The following THSD7B variants were observed in gnomAD, a reference collection of about 807,000 sequenced individuals.
THSD7B encodes thrombospondin type-1 domain-containing protein 7B.
A neutral mutation model predicts 213.6 loss-of-function variants in THSD7B; 138 were observed. That is an observed-to-expected ratio of 0.65 (90% CI 0.56 to 0.74). The LOEUF (loss-of-function observed/expected upper bound fraction) is 0.74. THSD7B is among the 30% of genes least tolerant of loss of function. The pLI, the probability that THSD7B is intolerant of heterozygous loss-of-function variation, is 0.00. For missense variants in THSD7B, 1,931 were observed against 1,991.5 expected (o/e 0.97, Z 0.58); for synonymous variants, 742 against 687.0 (o/e 1.08, Z -1.25).
chr2:137,390,769 TTCTG>T (rs952636157), intron 12 of THSD7B, among the ~76,000 whole-genome samples: 78 of 152,168 alleles, frequency 5.1e-4, no homozygotes, highest in African/African-American at 1.8e-3. Flanking sequence ...CAAATGTTAT[TTCTG>T]TCTATTGAGA....
chr2:137,032,125 GC>G (rs1261868372), intron 2 of THSD7B, among the ~76,000 whole-genome samples: 1 of 151,444 alleles, frequency 6.6e-6, no homozygotes, highest in Non-Finnish European at 1.5e-5. Flanking sequence ...ACAGGAGTGA[GC>G]CACCACACCC....
chr2:137,299,384 C>T (rs1683545464), intron 12 of THSD7B, among the ~76,000 whole-genome samples: 1 of 152,022 alleles, frequency 6.6e-6, no homozygotes, highest in South Asian at 2.1e-4. Context: ...AGACTTTGGA[C>T]TATGGACTTT....
intron 15 of THSD7B, among the ~76,000 whole-genome samples, chr2:137,518,967 G>C (rs1680127659): frequency 6.6e-6 from 1 of 152,208 alleles, no homozygotes; most frequent in Admixed American, 6.5e-5. Flanking sequence ...GGGGAAAGGG[G>C]CTGGGCACGG....
chr2:137,092,339 GGGAGGTTGA>G (rs1470338038), intron 3 of THSD7B, among the ~76,000 whole-genome samples: 3 of 152,106 alleles, frequency 2.0e-5, no homozygotes, highest in Admixed American at 2.0e-4. Flanking sequence ...CCTGGGCCTG[GGGAGGTTGA>G]GGCTGCAATG....
At chr2:137,447,888 T>C (rs1053689934) in intron 14 of THSD7B, among the ~76,000 whole-genome samples, 5 of 152,110 alleles carry the variant, frequency 3.3e-5, no homozygotes, top group African/African-American at 1.2e-4. Context: ...ATGTTCCTTA[T>C]ATAGGAAAAT....
intron 12 of THSD7B, among the ~76,000 whole-genome samples, chr2:137,368,118 G>A (rs1685462300): frequency 6.6e-6 from 1 of 152,066 alleles, no homozygotes; most frequent in African/African-American, 2.4e-5. Flanking sequence ...TCCTGTATCT[G>A]AAGATTATGC....
chr2:137,658,278 A>G (rs938326503), intron 24 of THSD7B, among the ~76,000 whole-genome samples: 1 of 152,188 alleles, frequency 6.6e-6, no homozygotes, highest in African/African-American at 2.4e-5. Context: ...CTCCCTAGTC[A>G]GGAACACAGA....
rs185206754 is a variant in THSD7B at position 136,915,149 on chromosome 2, G to A, written c.139+32832G>A. Among the ~76,000 whole-genome samples, 9 of 152,284 alleles carry A rather than the reference G, an allele frequency of 5.9e-5. 1 individual carries two copies. Among genetic ancestry groups the A allele is most frequent in the Admixed American group, 3.3e-4 (5 of 15,306 alleles). ...TCTCTAGGGGAAGATTTTAAGTGGA[G>A]TGGAACCACATCCATGCATTGAAGT... On this transcript the variant is annotated intron_variant, in intron 2 of 27. Coordinates refer to ENST00000409968, the MANE Select transcript of THSD7B (RefSeq NM_001316349.2).
At chr2:137,271,249 G>A (rs1353268532) in intron 10 of THSD7B, among the ~76,000 whole-genome samples, 1 of 150,894 alleles carries the variant, frequency 6.6e-6, no homozygotes, top group African/African-American at 2.4e-5. Flanking sequence ...CTCACACCCA[G>A]AGCCGTACTC....
Position 137,624,137 on chromosome 2 carries a change from C to T in THSD7B, c.3799+3411C>T, listed in dbSNP as rs541171784. 1.9e-3 allele frequency among the ~76,000 whole-genome samples: 293 copies of T among 152,240 alleles called. 2 individuals carry two copies. The highest frequency in any genetic ancestry group is 0.01 in the Middle Eastern group (3 of 294). On this transcript the variant is annotated intron_variant, in intron 20 of 27. Transcript: ENST00000409968. The stretch of plus-strand genomic sequence containing the variant: ...ACTGGTACCAAAACAGAGATATAGA[C>T]CAATGGAACACAACAGAGCCCTCAG...
chr2:136,896,343 G>A (rs1239119873), intron 2 of THSD7B, among the ~76,000 whole-genome samples: 1 of 152,068 alleles, frequency 6.6e-6, no homozygotes, highest in Non-Finnish European at 1.5e-5. Context: ...TTAGCCACTT[G>A]TATATTTTCT....
Position 137,411,515 on chromosome 2 carries a change from A to C in THSD7B, c.2696-94A>C, listed in dbSNP as rs1288031307. 6 of 1,201,276 alleles carry C rather than the reference A, an allele frequency of 5.0e-6. No individual in the cohort carries two copies. The Admixed American group carries it at 1.5e-4, about 29-fold the overall frequency. 74.4% of individuals were successfully genotyped at this position (1,201,276 alleles called of 1,614,324 possible). On this transcript the variant is annotated intron_variant, in intron 13 of 27. Coordinates refer to ENST00000409968, the MANE Select transcript of THSD7B (RefSeq NM_001316349.2). ...AGAAAACAAAGGCTTTATTTTATTT[A>C]ATATTCTAAAAGATTACAAATACAA...
chr2:137,075,899 T>A (rs1455677874), intron 3 of THSD7B, among the ~76,000 whole-genome samples: 2 of 152,210 alleles, frequency 1.3e-5, no homozygotes, highest in Non-Finnish European at 1.5e-5. Context: ...TGCTGAACAG[T>A]GGATTTTGGT....
At position 136,882,187 on chromosome 2, in the gene THSD7B, A is replaced by G. The variant is rs1269176451; in HGVS notation, c.9A>G (p.Pro3=). 2 of 1,510,434 alleles carry G rather than the reference A, an allele frequency of 1.3e-6. No homozygotes were observed. Among genetic ancestry groups the G allele is most frequent in the Non-Finnish European group, 1.8e-6 (2 of 1,130,326 alleles). The allele number at this position is 1,510,434 out of a possible 1,614,324, so 93.6% of individuals were successfully genotyped here. The change falls in exon 2 of 28, where the codon CCA becomes CCG. Residue 3 remains proline, a synonymous_variant. Coordinates refer to ENST00000409968, the MANE Select transcript of THSD7B (RefSeq NM_001316349.2). ...GCTGAAAAATCTGAAGCATGTTTCC[A>G]AAGAGCAACCTAACAGTCACTTGCT... MF[P]KSNLTVTCWV...
chr2:137,650,085 A>G (rs1389766967), intron 21 of THSD7B, among the ~76,000 whole-genome samples: 1 of 152,136 alleles, frequency 6.6e-6, no homozygotes, highest in Non-Finnish European at 1.5e-5. Context: ...TTTGAGTTCC[A>G]TATACATTTT....
At chr2:137,320,355 A>T (rs1405359754) in intron 12 of THSD7B, among the ~76,000 whole-genome samples, 1 of 152,228 alleles carries the variant, frequency 6.6e-6, no homozygotes, top group African/African-American at 2.4e-5. Context: ...TGTCATACTT[A>T]TCCAGAAAAA....
At chr2:137,364,850 A>G (rs1167390055) in intron 12 of THSD7B, among the ~76,000 whole-genome samples, 4 of 152,244 alleles carry the variant, frequency 2.6e-5, no homozygotes, top group African/African-American at 7.2e-5. Flanking sequence ...CATCCCCATC[A>G]AGCTGCCAAT....
intron 2 of THSD7B, among the ~76,000 whole-genome samples, chr2:136,966,647 C>T (rs985435293): frequency 2.6e-5 from 4 of 152,036 alleles, no homozygotes; most frequent in African/African-American, 9.6e-5. Context: ...GAGTTGTGCT[C>T]CTTATCTTCT....
rs1482464435 is a variant in THSD7B, at chr2:136,768,518, CTTAT to C, written c.-36+2835_-36+2838del. Among the ~76,000 whole-genome samples the C allele has an allele frequency of 2.0e-5, 3 of 152,084 alleles. No individual in the cohort carries two copies. In the East Asian group the frequency reaches 5.8e-4, roughly 29 times the overall value. On this transcript the variant is annotated intron_variant, in intron 1 of 27. Transcript: ENST00000409968. ...GAATGATGAAGAATATTTGACTGGT[CTTAT>C]TTAGTTAACTGTGAAAATGACAAAT...
Sources: allele counts gnomAD v4.1 joint callset (sites outside exome capture counted in the v4.1 genomes callset), GRCh38; gene constraint gnomAD v4.1.1; transcripts MANE v1.5; gene names NCBI Gene and HGNC (gene_info 2026-07-23, HGNC 2026-07-21).